The following CLIP3 variants were observed in gnomAD, a reference collection of about 807,000 sequenced individuals.
The protein encoded by CLIP3 is CAP-Gly domain containing linker protein 3, also known as CAP-Gly domain-containing linker protein 3.
A neutral mutation model predicts 59.4 loss-of-function variants in CLIP3; 15 were observed. The ratio of observed to expected loss-of-function variants is 0.25; its 90% CI spans 0.17 to 0.39. The LOEUF (loss-of-function observed/expected upper bound fraction) is 0.39, where lower values mean the gene tolerates loss of function less well. Among genes scored for constraint, CLIP3 ranks in the 10% least tolerant of loss-of-function variants. The probability of loss-of-function intolerance (pLI) is 1.00; values close to 1 mark genes in which losing one functional copy is unlikely to be tolerated. For missense variants in CLIP3, 495 were observed against 765.7 expected, an observed-to-expected ratio of 0.65 and a Z score of 4.17; for synonymous variants, 300 against 321.6, an observed-to-expected ratio of 0.93 and a Z score of 0.72.
At position 36,018,991 on chromosome 19, in the gene CLIP3, C is replaced by T. The variant is rs1167314374; in HGVS notation, c.1090G>A (p.Val364Met). The T allele has an allele frequency of 6.2e-7, 1 of 1,601,276 alleles. No homozygotes were observed. Among genetic ancestry groups the T allele is most frequent in the Non-Finnish European group, 8.5e-7 (1 of 1,173,660 alleles). The change falls in exon 9 of 14, where the codon GTG becomes ATG. Residue 364 changes from valine (V) to methionine (M), a missense_variant. Val to Met is a conservative substitution (Grantham distance 21). This residue lies in a region of CLIP3 where 194 missense variants were observed against 327.8 expected (regional missense o/e 0.59). Coordinates refer to ENST00000360535, the MANE Select transcript of CLIP3 (RefSeq NM_015526.3). ...FASVSKISKA[V>M]DAPPSSVTST... is the part of the protein sequence containing the mutation. ...GTGACAGAGGAGGGGGGTGCGTCCACTGCCTTGGAGATCTTGGACACGGAG... is the reference window on the plus strand; with the variant it reads ...GTGACAGAGGAGGGGGGTGCGTCCATTGCCTTGGAGATCTTGGACACGGAG...
intron 2 of CLIP3, among the ~76,000 whole-genome samples, chr19:36,031,986 CA>C (rs1969277812): frequency 6.6e-6 from 1 of 152,142 alleles, no homozygotes; most frequent in Non-Finnish European, 1.5e-5. Flanking sequence ...AATGATGTGT[CA>C]TGAGTCAAAG....
rs370980316 is a variant in CLIP3 at position 36,026,729 on chromosome 19, A to G, written c.419T>C (p.Val140Ala). 189 of 1,599,292 alleles carry G rather than the reference A, an allele frequency of 1.2e-4. No homozygotes were observed. The highest frequency in any genetic ancestry group is 1.5e-4 in the Non-Finnish European group (177 of 1,176,094). Reference protein sequence around the residue: ...AHGVGDPAAAVRLSQQLLALG... With the variant: ...AHGVGDPAAAARLSQQLLALG... ...CGCCAGCAGCTGCTGCGAGAGGCGC[A>G]CGGCTGCCGCGGGGTCCCCTGCGCG... is the stretch of plus-strand genomic sequence containing the variant. The change falls in exon 5 of 14, where the codon GTG becomes GCG. Residue 140 changes from valine (V) to alanine (A), a missense_variant. Transcript: ENST00000360535. This position sits in a 1 kb window ranked among gnomAD's most constrained non-coding sequence, Gnocchi z 6.3.
intron 7 of CLIP3, among the ~76,000 whole-genome samples, chr19:36,022,672 AG>A (rs1444566952): frequency 6.6e-6 from 1 of 152,186 alleles, no homozygotes; most frequent in Admixed American, 6.6e-5. Context: ...CTGTAATCCC[AG>A]CACTTTGGGA....
chr19:36,026,570 G>C lies in CLIP3; in HGVS notation c.562+16C>G. 6.2e-7 allele frequency: 1 copy of C among 1,612,748 alleles called. No individual in the cohort carries two copies. The highest frequency in any genetic ancestry group is 8.5e-7 in the Non-Finnish European group (1 of 1,179,492). ...CCAGGTCCTTGCCCCCTCCCAGCCA[G>C]GGCTCTCCTCCTCACCTCGCGGCCT... On this transcript the variant is annotated intron_variant, in intron 5 of 13. Coordinates refer to ENST00000360535, the MANE Select transcript of CLIP3 (RefSeq NM_015526.3). The surrounding 1 kb of genome is among the most constrained non-coding windows in gnomAD (Gnocchi z 6.3).
chr19:36,016,984 AGAG>A lies in CLIP3; in HGVS notation c.1517-8_1517-6del, dbSNP rs1347859626. ...AGGTGCGTTTGGGCTGCGTCACTGA[AGAG>A]GAGGGCAGGATGTCAAGTGAGGGGA... is the stretch of plus-strand genomic sequence containing the variant. On this transcript the variant is annotated splice_polypyrimidine_tract_variant and splice_region_variant and intron_variant, in intron 12 of 13. Transcript: ENST00000360535. The surrounding 1 kb of genome is among the most constrained non-coding windows in gnomAD (Gnocchi z 4.1). 3 of 1,613,748 alleles carry A rather than the reference AGAG, an allele frequency of 1.9e-6. No homozygotes were observed. Among genetic ancestry groups the A allele is most frequent in the Non-Finnish European group, 2.5e-6 (3 of 1,179,910 alleles).
rs779743860 is a variant in CLIP3 at position 36,016,643 on chromosome 19, C to T, written c.1589+264G>A. ...GATTAAAGGCATGAGCCACCCCGCC[C>T]GGTCTCTAGCTGTTGTTCTGAGGCT... On this transcript the variant is annotated intron_variant, in intron 13 of 13. Transcript: ENST00000360535. The surrounding 1 kb of genome is among the most constrained non-coding windows in gnomAD (Gnocchi z 4.1). Among the ~76,000 whole-genome samples the T allele has an allele frequency of 3.3e-5, 5 of 152,192 alleles. No individual in the cohort carries two copies. The highest frequency in any genetic ancestry group is 4.8e-5 in the African/African-American group (2 of 41,438).
intron 12 of CLIP3, 115 bp from the exon 13 acceptor site, chr19:36,017,094 C>T (rs1568538903): frequency 1.8e-6 from 2 of 1,097,516 alleles, no homozygotes; most frequent in African/African-American, 3.1e-5. Context: ...CCACCTGGAT[C>T]CTACATTCCC....
intron 11 of CLIP3, 80 bp downstream of exon 11, chr19:36,017,575 G>A (rs1968832696): frequency 6.2e-7 from 1 of 1,605,162 alleles, no homozygotes; most frequent in Admixed American, 1.7e-5. Context: ...TGTCCTGCTG[G>A]TCTGGGAGGA....
chr19:36,025,735 C>T (rs1422165526), intron 6 of CLIP3, among the ~76,000 whole-genome samples: 5 of 152,168 alleles, frequency 3.3e-5, no homozygotes, highest in Admixed American at 1.3e-4. Context: ...TGTGCCTGGA[C>T]GGCTGCAGGG....
intron 9 of CLIP3, 93 bp from the exon 10 acceptor site, chr19:36,018,084 G>C: frequency 7.0e-7 from 1 of 1,426,160 alleles, no homozygotes; most frequent in Non-Finnish European, 9.6e-7. Context: ...AGAAAACCCT[G>C]TTCTTCGTTT....
At chr19:36,017,237 C>G in intron 12 of CLIP3, 149 bp downstream of exon 12, 1 of 865,092 alleles carries the variant, frequency 1.2e-6, no homozygotes, top group Non-Finnish European at 1.9e-6. Flanking sequence ...TAGCACCTAT[C>G]TTTTTGTGGA....
chr19:36,025,184 T>C (rs1021277540), intron 6 of CLIP3, among the ~76,000 whole-genome samples: 2 of 151,526 alleles, frequency 1.3e-5, no homozygotes, highest in African/African-American at 4.9e-5. Context: ...CCTGGGGGTG[T>C]AGGCAGTAGG....
At position 36,026,513 on chromosome 19, in the gene CLIP3, C is replaced by T; in HGVS notation, c.562+73G>A. The T allele has an allele frequency of 1.3e-6, 2 of 1,586,924 alleles. No individual in the cohort carries two copies. The highest frequency in any genetic ancestry group is 1.7e-4 in the Middle Eastern group (1 of 5,972). ...ATCACCGTCCTCCTTCCCCTCGCAG[C>T]CTGGCCTCACCTGGGTCTCCGCGTC... On this transcript the variant is annotated intron_variant, in intron 5 of 13. Coordinates refer to ENST00000360535, the MANE Select transcript of CLIP3 (RefSeq NM_015526.3). The surrounding 1 kb of genome is among the most constrained non-coding windows in gnomAD (Gnocchi z 6.3).
Position 36,018,005 on chromosome 19 carries a change from G to T in CLIP3, c.1184-14C>A, listed in dbSNP as rs373901833. ...TCTTCTTCTTGCCTAAGGGTAGAAGGTGTAGGAGGTGGGTAGTGGGGCTGA... is the reference window on the plus strand; with the variant it reads ...TCTTCTTCTTGCCTAAGGGTAGAAGTTGTAGGAGGTGGGTAGTGGGGCTGA... On this transcript the variant is annotated splice_polypyrimidine_tract_variant and intron_variant, in intron 9 of 13. Transcript: ENST00000360535. 7 of 1,613,216 alleles carry T rather than the reference G, an allele frequency of 4.3e-6. No individual in the cohort carries two copies. In the African/African-American group the frequency reaches 9.3e-5, roughly 22 times the overall value.
chr19:36,024,545 C>G lies in CLIP3; in HGVS notation c.769G>C (p.Glu257Gln). The G allele has an allele frequency of 1.9e-6, 3 of 1,614,260 alleles. No homozygotes were observed. Among genetic ancestry groups the G allele is most frequent in the Non-Finnish European group, 1.7e-6 (2 of 1,180,050 alleles). ...GCCTCTTCCAGAAGCGTCCGCAGCT[C>G]CTTGGCCACCAGTGCCGCCTCTGCC... ...DKAEAALVAK[E>Q]LRTLLEEAVP... Residue 257 changes from glutamate to glutamine, a missense_variant, in exon 7 of 14, where the codon GAG (glutamate) becomes CAG (glutamine). By Grantham distance (29) the Glu-to-Gln change is conservative. This residue lies in a region of CLIP3 where 194 missense variants were observed against 327.8 expected (regional missense o/e 0.59). Coordinates refer to ENST00000360535, the MANE Select transcript of CLIP3 (RefSeq NM_015526.3).
At position 36,026,231 on chromosome 19, in the gene CLIP3, G is replaced by A; in HGVS notation, c.597C>T (p.Gly199=). 1 of 1,613,746 alleles carries A rather than the reference G, an allele frequency of 6.2e-7. No homozygotes were observed. The highest frequency in any genetic ancestry group is 8.5e-7 in the Non-Finnish European group (1 of 1,179,962). The change falls in exon 6 of 14, where the codon GGC becomes GGT. Residue 199 remains glycine, a synonymous_variant. Transcript: ENST00000360535. This position sits in a 1 kb window ranked among gnomAD's most constrained non-coding sequence, Gnocchi z 6.3. ...TGGAAGCAGCGATGTGCAGGGCTGA[G>A]CCGTGGTTGAAGTCACTGCACGTGG... ...VNSTCSDFNH[G]SALHIAASSL...
intron 7 of CLIP3, among the ~76,000 whole-genome samples, chr19:36,020,686 CA>C (rs1398770033): frequency 6.6e-6 from 1 of 152,216 alleles, no homozygotes; most frequent in African/African-American, 2.4e-5. Flanking sequence ...AGCCATATTT[CA>C]AGTGCTCAAT....
chr19:36,024,513 T>G lies in CLIP3; in HGVS notation c.801A>C (p.Pro267=). ...TGACCTTGGGGAGGGCGCAAGATAG[T>G]GGCACTGCCTCTTCCAGAAGCGTCC... The part of the protein sequence containing the change: ...ELRTLLEEAV[P]LSCALPKVTL... Residue 267 remains proline, a synonymous_variant, in exon 7 of 14, where the codon CCA becomes CCC. Coordinates refer to ENST00000360535, the MANE Select transcript of CLIP3 (RefSeq NM_015526.3). 2 of 1,614,260 alleles carry G rather than the reference T, an allele frequency of 1.2e-6. No individual in the cohort carries two copies. Among genetic ancestry groups the G allele is most frequent in the Non-Finnish European group, 1.7e-6 (2 of 1,180,058 alleles).
In CLIP3 at chr19:36,026,705, G is replaced by A. The variant is rs772399672; in HGVS notation, c.443C>T (p.Ala148Val). ...GCGCAGCGTCACATCTGCGCCCAGC[G>A]CCAGCAGCTGCTGCGAGAGGCGCAC... The part of the protein sequence containing the change: ...AAVRLSQQLL[A>V]LGADVTLRSR... Residue 148 changes from alanine to valine, a missense_variant, in exon 5 of 14, where the codon GCG becomes GTG. Ala to Val is a moderately conservative substitution (Grantham distance 64, BLOSUM62 0). Coordinates refer to ENST00000360535, the MANE Select transcript of CLIP3 (RefSeq NM_015526.3). This position sits in a 1 kb window ranked among gnomAD's most constrained non-coding sequence, Gnocchi z 6.3. 17 of 1,604,920 alleles carry A rather than the reference G, an allele frequency of 1.1e-5. No homozygotes were observed. The highest frequency in any genetic ancestry group is 1.6e-4 in the Middle Eastern group (1 of 6,070).
Sources: allele counts gnomAD v4.1 joint callset (sites outside exome capture counted in the v4.1 genomes callset), GRCh38; gene constraint gnomAD v4.1.1; regional missense constraint gnomAD v4.1.1; non-coding constraint Gnocchi (gnomAD v3.1); transcripts MANE v1.5; gene names NCBI Gene and HGNC (gene_info 2026-07-23, HGNC 2026-07-21).